Variants in LOC122539214 observed in about 807,000 individuals in gnomAD.
chr19:52,664,717 G>A, the LOC122539214 span, among the ~76,000 whole-genome samples: 1 of 150,994 alleles, frequency 6.6e-6, no homozygotes, highest in African/African-American at 2.4e-5. Flanking sequence ...GCCTGAGTGA[G>A]GCCAGGGTGG....
chr19:52,664,276 C>A, the LOC122539214 span, among the ~76,000 whole-genome samples: 1 of 151,578 alleles, frequency 6.6e-6, no homozygotes, highest in East Asian at 1.9e-4. Flanking sequence ...CGGCTGGATC[C>A]CTTAAGCCCT....
chr19:52,655,926 TA>T, the LOC122539214 span, among the ~76,000 whole-genome samples: 1 of 152,046 alleles, frequency 6.6e-6, no homozygotes, highest in African/African-American at 2.4e-5. Context: ...ACAAAAAATA[TA>T]TGTCTGGGCA....
chr19:52,683,228 CTG>C, the LOC122539214 span, among the ~76,000 whole-genome samples: 4,071 of 127,748 alleles, frequency 0.032, 58 homozygotes, highest in Middle Eastern at 0.047. Context: ...CCCTGTGACT[CTG>C]TGTGTGTGTG....
At chr19:52,669,988 T>C in the LOC122539214 span, among the ~76,000 whole-genome samples, 1 of 152,118 alleles carries the variant, frequency 6.6e-6, no homozygotes, top group Admixed American at 6.5e-5. Flanking sequence ...TAGATATGAG[T>C]TCTAAATTTC....
At chr19:52,688,389 G>T in the LOC122539214 span, among the ~76,000 whole-genome samples, 1 of 151,168 alleles carries the variant, frequency 6.6e-6, no homozygotes, top group African/African-American at 2.4e-5. Flanking sequence ...GTGCAGGCTG[G>T]TCTAGAACTC....
At chr19:52,676,234 C>T in the LOC122539214 span, among the ~76,000 whole-genome samples, 2 of 152,196 alleles carry the variant, frequency 1.3e-5, no homozygotes, top group Admixed American at 6.5e-5. Context: ...CTGCCAGCCT[C>T]GGCCTCCCGA....
chr19:52,658,712 G>A, the LOC122539214 span, among the ~76,000 whole-genome samples: 9 of 152,158 alleles, frequency 5.9e-5, no homozygotes, highest in African/African-American at 2.2e-4. Context: ...TTAGGTCATA[G>A]GGTAAATACT....
chr19:52,676,694 G>A, the LOC122539214 span, among the ~76,000 whole-genome samples: 2 of 136,006 alleles, frequency 1.5e-5, no homozygotes, highest in African/African-American at 5.5e-5. Context: ...AGCGGGGAAA[G>A]GTGGGGAAAA....
the LOC122539214 span, among the ~76,000 whole-genome samples, chr19:52,666,176 AAAG>A: frequency 2.6e-5 from 4 of 151,260 alleles, no homozygotes; most frequent in Non-Finnish European, 5.9e-5. Context: ...AAAAAAAAAA[AAAG>A]AAAGAGACAG....
the LOC122539214 span, among the ~76,000 whole-genome samples, chr19:52,665,839 A>T: frequency 6.6e-6 from 1 of 152,054 alleles, no homozygotes; most frequent in Non-Finnish European, 1.5e-5. Flanking sequence ...CCATTGCTCC[A>T]TCTATGAGGA....
the LOC122539214 span, among the ~76,000 whole-genome samples, chr19:52,674,470 G>T: frequency 3.3e-5 from 5 of 152,170 alleles, no homozygotes; most frequent in Admixed American, 1.3e-4. Flanking sequence ...AAATCAGAAA[G>T]AAATAAATAA....
the LOC122539214 span, among the ~76,000 whole-genome samples, chr19:52,680,675 C>A: frequency 7.7e-6 from 1 of 129,928 alleles, no homozygotes; most frequent in Non-Finnish European, 1.5e-5. Flanking sequence ...TGCAGTGGCG[C>A]GATCTCGGCT....
At chr19:52,682,136 G>A in the LOC122539214 span, among the ~76,000 whole-genome samples, 1 of 151,870 alleles carries the variant, frequency 6.6e-6, no homozygotes, top group Non-Finnish European at 1.5e-5. Flanking sequence ...ATGAGCCACC[G>A]TGCCTGGCCT....
chr19:52,673,778 G>A, the LOC122539214 span, among the ~76,000 whole-genome samples: 2 of 150,700 alleles, frequency 1.3e-5, no homozygotes, highest in African/African-American at 4.9e-5. Flanking sequence ...TCTTTGGGAG[G>A]CTGAGGTGGG....
At chr19:52,669,704 T>C in the LOC122539214 span, among the ~76,000 whole-genome samples, 2 of 152,124 alleles carry the variant, frequency 1.3e-5, no homozygotes, top group African/African-American at 2.4e-5. Flanking sequence ...AGTGGTTCGG[T>C]AGATGGAAAA....
the LOC122539214 span, among the ~76,000 whole-genome samples, chr19:52,674,716 GAGA>G: frequency 5.9e-5 from 9 of 152,140 alleles, no homozygotes; most frequent in African/African-American, 1.9e-4. Flanking sequence ...GTAAAAATGC[GAGA>G]AGTTTCTACC....
the LOC122539214 span, among the ~76,000 whole-genome samples, chr19:52,687,632 TGTATATATA>T: frequency 1.0e-4 from 1 of 9,934 alleles, no homozygotes; most frequent in African/African-American, 5.5e-4. Flanking sequence ...ATATATATAA[TGTATATATA>T]TATATATATA....
chr19:52,675,229 C>T, the LOC122539214 span, among the ~76,000 whole-genome samples: 1 of 152,302 alleles, frequency 6.6e-6, no homozygotes, highest in South Asian at 2.1e-4. Context: ...CAAATAAGGA[C>T]ACCAGGCCCA....
At chr19:52,666,410 G>A in the LOC122539214 span, among the ~76,000 whole-genome samples, 1 of 152,014 alleles carries the variant, frequency 6.6e-6, no homozygotes, top group African/African-American at 2.4e-5. Flanking sequence ...CCTGTTGTCA[G>A]TGTAAACAAT....
Sources: gnomAD v4.1 joint callset for allele counts (sites outside exome capture counted in the v4.1 genomes callset) on GRCh38, gnomAD v4.1.1 for gene constraint, MANE v1.5 for transcripts.